RMDN2: variants seen among roughly 807,000 people sequenced by gnomAD.
The protein encoded by RMDN2 is regulator of microtubule dynamics 2.
RMDN2 carries 61 observed loss-of-function variants against 52.8 expected under a neutral mutation model. The ratio of observed to expected loss-of-function variants is 1.16; its 90% confidence interval spans 0.94 to 1.43. The LOEUF (loss-of-function observed/expected upper bound fraction) is 1.43, where lower values mean the gene tolerates loss of function less well. Among genes scored for constraint, RMDN2 ranks in the 40% most tolerant of loss-of-function variants. The probability of loss-of-function intolerance (pLI) is 0.00; values close to 1 mark genes in which losing one functional copy is unlikely to be tolerated. For synonymous variants in RMDN2, 180 were observed against 153.1 expected (o/e 1.18, Z -1.30); for missense variants, 592 against 475.3 (o/e 1.25, Z -2.28).
intron 10 of RMDN2, chr2:38,030,513 T>C (rs190864662): frequency 2.8e-4 from 42 of 152,226 alleles, no homozygotes; most frequent in African/African-American, 9.9e-4. Context: ...TGACTGATGA[T>C]GTTTATTGCT....
In RMDN2 at chr2:37,956,674, T is replaced by C. The variant is rs538960694; in HGVS notation, c.453-17366T>C. ...TTTTCTTCTTTTTTATTTTTTATTA[T>C]ACTTTTAAGTTCTGGGATACATGTG... is the stretch of plus-strand genomic sequence containing the variant. On this transcript the variant is annotated intron_variant, in intron 2 of 10. Coordinates refer to ENST00000354545, the MANE Select transcript of RMDN2 (RefSeq NM_001170791.3). 5.9e-5 allele frequency among the ~76,000 whole-genome samples: 9 copies of C among 152,240 alleles called. No homozygotes were observed. The East Asian group carries it at 1.5e-3, about 26-fold the overall frequency.
intron 10 of RMDN2, 28 bp downstream of exon 10, chr2:38,004,244 T>C: frequency 1.3e-6 from 2 of 1,491,546 alleles, no homozygotes; most frequent in East Asian, 2.3e-5. Flanking sequence ...CAGTGAGTGC[T>C]GTTGTCTTGT....
chr2:38,040,668 A>G (rs1258907648), intron 10 of RMDN2, among the ~76,000 whole-genome samples: 1 of 152,246 alleles, frequency 6.6e-6, no homozygotes, highest in East Asian at 1.9e-4. Flanking sequence ...TTTAGTTCTT[A>G]ACATCATTCT....
chr2:37,973,625 A>G (rs753634036), intron 2 of RMDN2, among the ~76,000 whole-genome samples: 1 of 152,186 alleles, frequency 6.6e-6, no homozygotes, highest in Non-Finnish European at 1.5e-5. Flanking sequence ...TTGAGGTATT[A>G]GAGTGGTCTG....
chr2:38,031,277 T>C (rs1477804454), intron 10 of RMDN2, among the ~76,000 whole-genome samples: 1 of 148,634 alleles, frequency 6.7e-6, no homozygotes, highest in Admixed American at 6.7e-5. Context: ...TTTTTTTTTT[T>C]TTTGAGATGG....
chr2:38,026,624 T>C (rs1414420486), intron 10 of RMDN2, among the ~76,000 whole-genome samples: 1 of 152,170 alleles, frequency 6.6e-6, no homozygotes, highest in Non-Finnish European at 1.5e-5. Context: ...TAATTATACT[T>C]TAAGTTCTGG....
At chr2:38,061,199 C>CATTAAGGCATT (rs1682032589) in intron 10 of RMDN2, among the ~76,000 whole-genome samples, 1 of 151,988 alleles carries the variant, frequency 6.6e-6, no homozygotes, top group African/African-American at 2.4e-5. Flanking sequence ...GCATTAAGGA[C>CATTAAGGCATT]AAGTGTCCTC....
At chr2:37,986,546 C>G (rs1437452545) in intron 5 of RMDN2, among the ~76,000 whole-genome samples, 1 of 152,016 alleles carries the variant, frequency 6.6e-6, no homozygotes, top group Non-Finnish European at 1.5e-5. Flanking sequence ...AAAATATTAG[C>G]AGATTGAATC....
chr2:38,004,468 T>C (rs1359920146), intron 10 of RMDN2, among the ~76,000 whole-genome samples: 1 of 152,310 alleles, frequency 6.6e-6, no homozygotes, highest in East Asian at 1.9e-4. Flanking sequence ...ACATAGTTAC[T>C]TTTTTTATTG....
At chr2:37,939,058 C>T (rs1333762745) in intron 2 of RMDN2, among the ~76,000 whole-genome samples, 1 of 152,194 alleles carries the variant, frequency 6.6e-6, no homozygotes, top group African/African-American at 2.4e-5. Context: ...CCTCTAATCA[C>T]TGCTTTAGCT....
At chr2:37,983,350 T>A (rs1572934265) in intron 5 of RMDN2, among the ~76,000 whole-genome samples, 1 of 152,224 alleles carries the variant, frequency 6.6e-6, no homozygotes, top group African/African-American at 2.4e-5. Flanking sequence ...GGTTTCCCAG[T>A]CTGTCTTCCA....
At chr2:37,999,177 A>G (rs1209266057) in intron 8 of RMDN2, among the ~76,000 whole-genome samples, 1 of 152,204 alleles carries the variant, frequency 6.6e-6, no homozygotes, top group African/African-American at 2.4e-5. Context: ...TAGCACAATA[A>G]TGCTGAGGTA....
At chr2:37,943,226 A>G (rs1264768657) in intron 2 of RMDN2, among the ~76,000 whole-genome samples, 1 of 152,240 alleles carries the variant, frequency 6.6e-6, no homozygotes, top group Non-Finnish European at 1.5e-5. Context: ...AGTGGAGTAC[A>G]GAACTTTCTG....
chr2:37,952,227 A>G (rs1450698312), intron 2 of RMDN2: 1 of 1,608,820 alleles, frequency 6.2e-7, no homozygotes, highest in African/African-American at 1.3e-5. Flanking sequence ...ACCCTCTCTT[A>G]GAAGGGCACC....
chr2:37,938,331 A>T (rs1572706092), intron 2 of RMDN2, among the ~76,000 whole-genome samples: 1 of 152,228 alleles, frequency 6.6e-6, no homozygotes, highest in African/African-American at 2.4e-5. Context: ...ATCAATCTTC[A>T]TCAGGGATAT....
chr2:38,050,998 G>C (rs925858628), intron 10 of RMDN2, among the ~76,000 whole-genome samples: 1 of 152,124 alleles, frequency 6.6e-6, no homozygotes, highest in South Asian at 2.1e-4. Flanking sequence ...CCCAACCTCA[G>C]GTGATCCGCC....
intron 10 of RMDN2, 102 bp from the exon 11 acceptor site, chr2:38,017,084 A>T (rs564347661): frequency 1.8e-6 from 1 of 559,704 alleles, no homozygotes; most frequent in Non-Finnish European, 2.9e-6. Flanking sequence ...TAAAGTTCTC[A>T]TGTTGGGGAA....
chr2:38,028,542 G>A (rs535120621), intron 10 of RMDN2, among the ~76,000 whole-genome samples: 11 of 152,252 alleles, frequency 7.2e-5, no homozygotes, highest in South Asian at 6.2e-4. Context: ...CTTCTTGCTA[G>A]TAATGGCATG....
chr2:38,011,390 A>G (rs2125227236), intron 10 of RMDN2, among the ~76,000 whole-genome samples: 2 of 152,326 alleles, frequency 1.3e-5, no homozygotes, highest in Middle Eastern at 6.8e-3. Context: ...TGGGAACAAC[A>G]ACAAAAAAAT....
Sources: gnomAD v4.1 joint callset for allele counts (sites outside exome capture counted in the v4.1 genomes callset) on GRCh38, gnomAD v4.1.1 for gene constraint, MANE v1.5 for transcripts, NCBI Gene and HGNC (gene_info 2026-07-23, HGNC 2026-07-21) for gene names.